Variants in AKAIN1 observed in about 807,000 individuals in gnomAD.
AKAIN1 encodes the protein A-kinase anchor inhibitor 1.
Under a neutral mutation model 3.7 loss-of-function variants are expected in AKAIN1, and 3 were observed. The ratio of observed to expected loss-of-function variants is 0.82; its 90% CI spans 0.37 to 2.12. AKAIN1 has a LOEUF of 2.12. Ranked by LOEUF, AKAIN1 falls within the 30% of genes most tolerant of loss-of-function variation. The pLI is 0.06. For synonymous variants in AKAIN1, 31 were observed against 30.8 expected (o/e 1.01, Z -0.02); for missense variants, 82 against 82.7 (o/e 0.99, Z 0.03).
rs562779508 is a variant in AKAIN1 at position 5,179,402 on chromosome 18, T to C, written c.16+17636A>G. 4.4e-5 allele frequency among the ~76,000 whole-genome samples: 6 copies of C among 136,232 alleles called. 1 individual carries two copies. The highest frequency in any genetic ancestry group is 2.9e-4 in the Admixed American group (4 of 13,600). The allele number at this position is 136,232 out of a possible 152,430, so 89.4% of individuals were successfully genotyped here. ...TCCTTCATTTTTATGGCTGAGTATA[T>C]GTATGTATGTATGTATGTGTGTATA... On this transcript the variant is annotated intron_variant, in intron 1 of 1. Transcript: ENST00000434239.
At chr18:5,164,707 G>A (rs1030282491) in intron 1 of AKAIN1, among the ~76,000 whole-genome samples, 113 of 151,938 alleles carry the variant, frequency 7.4e-4, no homozygotes, top group Admixed American at 1.2e-3. Flanking sequence ...AAATTTTATC[G>A]TGACATTTGA....
chr18:5,154,582 C>A (rs2849228), intron 1 of AKAIN1, among the ~76,000 whole-genome samples: 79,213 of 151,280 alleles, frequency 0.52, 20,896 homozygotes, highest in South Asian at 0.71. Context: ...AACCAACTGA[C>A]CAGACCCCTT....
intron 1 of AKAIN1, among the ~76,000 whole-genome samples, chr18:5,191,060 A>C (rs2071315526): frequency 6.6e-6 from 1 of 152,184 alleles, no homozygotes; most frequent in African/African-American, 2.4e-5. Context: ...CAACAAAACA[A>C]AACTGCAGCT....
intron 1 of AKAIN1, among the ~76,000 whole-genome samples, chr18:5,160,112 G>A (rs2071130866): frequency 6.6e-6 from 1 of 152,178 alleles, no homozygotes; most frequent in Admixed American, 6.5e-5. Context: ...AGAAATAGGA[G>A]TAGTTGTCTG....
At chr18:5,185,368 T>C (rs1395417785) in intron 1 of AKAIN1, among the ~76,000 whole-genome samples, 1 of 151,870 alleles carries the variant, frequency 6.6e-6, no homozygotes, top group African/African-American at 2.4e-5. Context: ...ACTAAAGAGC[T>C]TTTGCGCAGC....
chr18:5,179,682 G>A (rs1287738735), intron 1 of AKAIN1, among the ~76,000 whole-genome samples: 1 of 151,968 alleles, frequency 6.6e-6, no homozygotes, highest in East Asian at 1.9e-4. Flanking sequence ...CTGTTCTGGT[G>A]GTGGCAGTGG....
At chr18:5,195,946 G>C (rs1402057538) in intron 1 of AKAIN1, among the ~76,000 whole-genome samples, 2 of 152,134 alleles carry the variant, frequency 1.3e-5, no homozygotes, top group African/African-American at 4.8e-5. Flanking sequence ...GCATTCTGAG[G>C]GGGAGGGGGA....
intron 1 of AKAIN1, among the ~76,000 whole-genome samples, chr18:5,169,544 T>C (rs1350398814): frequency 6.6e-6 from 1 of 151,974 alleles, no homozygotes. Flanking sequence ...CAAGCACAAT[T>C]GGCATAGGAG....
chr18:5,152,170 C>T (rs187105418), intron 1 of AKAIN1, among the ~76,000 whole-genome samples: 10 of 152,284 alleles, frequency 6.6e-5, no homozygotes, highest in East Asian at 1.9e-4. Context: ...CGCTCTGGCC[C>T]GCTTACTTGA....
chr18:5,157,767 G>A (rs530570706), intron 1 of AKAIN1, among the ~76,000 whole-genome samples: 1 of 152,252 alleles, frequency 6.6e-6, no homozygotes, highest in South Asian at 2.1e-4. Context: ...GCAGTGGCAT[G>A]ATAATGGCTC....
At chr18:5,184,302 A>C (rs1241658717) in intron 1 of AKAIN1, among the ~76,000 whole-genome samples, 1 of 152,004 alleles carries the variant, frequency 6.6e-6, no homozygotes, top group East Asian at 1.9e-4. Flanking sequence ...TAACCAAAAG[A>C]AAGCCGGTCC....
At chr18:5,157,027 C>A (rs1000275213) in intron 1 of AKAIN1, among the ~76,000 whole-genome samples, 1 of 152,126 alleles carries the variant, frequency 6.6e-6, no homozygotes, top group Non-Finnish European at 1.5e-5. Flanking sequence ...CGAGTTTTCA[C>A]CATCAGGAAC....
At chr18:5,150,305 C>T (rs1012296404) in intron 1 of AKAIN1, among the ~76,000 whole-genome samples, 1 of 152,198 alleles carries the variant, frequency 6.6e-6, no homozygotes. Flanking sequence ...GCAGGGCCAG[C>T]CACCCAAATC....
At chr18:5,163,775 C>T (rs973661731) in intron 1 of AKAIN1, 1 of 151,944 alleles carries the variant, frequency 6.6e-6, no homozygotes, top group African/African-American at 2.4e-5. Flanking sequence ...GATACACTTC[C>T]AAGCCTCATG....
intron 1 of AKAIN1, among the ~76,000 whole-genome samples, chr18:5,159,016 C>A (rs1020525531): frequency 6.6e-6 from 1 of 152,118 alleles, no homozygotes; most frequent in Non-Finnish European, 1.5e-5. Flanking sequence ...AGTTCCCTAT[C>A]CTAGTATATG....
chr18:5,184,915 G>A (rs1036341951), intron 1 of AKAIN1, among the ~76,000 whole-genome samples: 1 of 152,052 alleles, frequency 6.6e-6, no homozygotes, highest in African/African-American at 2.4e-5. Flanking sequence ...GAACAAAGCA[G>A]GAGGCATCAC....
intron 1 of AKAIN1, among the ~76,000 whole-genome samples, chr18:5,169,567 A>G (rs762471895): frequency 6.6e-6 from 1 of 152,068 alleles, no homozygotes. Flanking sequence ...GAAATCTACT[A>G]GTTGTCCATA....
In AKAIN1 at chr18:5,157,304, A is replaced by ATTAT. The variant is rs1465784026; in HGVS notation, c.17-11553_17-11550dup. On this transcript the variant is annotated intron_variant, in intron 1 of 1. Coordinates refer to ENST00000434239, the MANE Select transcript of AKAIN1 (RefSeq NM_001145194.2). ...TGGTGTCCAGACACAGAACCCAAAG[A>ATTAT]TTATTTCCTTCTCTGCACAAAATGG... Among the ~76,000 whole-genome samples, 8 of 152,308 alleles carry ATTAT rather than the reference A, an allele frequency of 5.3e-5. No individual in the cohort carries two copies. The East Asian group carries it at 9.6e-4, about 18-fold the overall frequency.
At chr18:5,165,737 C>T (rs2071164332) in intron 1 of AKAIN1, among the ~76,000 whole-genome samples, 1 of 152,016 alleles carries the variant, frequency 6.6e-6, no homozygotes, top group Admixed American at 6.6e-5. Context: ...TGTATCACCA[C>T]TCCTCTTTCT....
Sources: allele counts gnomAD v4.1 joint callset (sites outside exome capture counted in the v4.1 genomes callset), GRCh38; gene constraint gnomAD v4.1.1; transcripts MANE v1.5; gene names NCBI Gene and HGNC (gene_info 2026-07-23, HGNC 2026-07-21).